CACNA1H: variants seen among roughly 807,000 people sequenced by gnomAD.
The protein encoded by CACNA1H is calcium voltage-gated channel subunit alpha1 H, also known as voltage-dependent T-type calcium channel subunit alpha-1H.
In CACNA1H, 149 loss-of-function variants were observed where a neutral mutation model predicts 192.5. The observed-to-expected ratio is 0.77, with a 90% confidence interval of 0.68 to 0.89. The LOEUF is 0.89. Among genes scored for constraint, CACNA1H ranks in the 40% least tolerant of loss-of-function variants. The probability of loss-of-function intolerance (pLI) is 0.00; values close to 1 mark genes in which losing one functional copy is unlikely to be tolerated. For missense variants in CACNA1H, 4,257 were observed against 3,423.5 expected (o/e 1.24, Z -6.08); for synonymous variants, 2,202 against 1,475.2 (o/e 1.49, Z -11.29).
At chr16:1,217,540 G>A (rs752007897) in intron 31 of CACNA1H, among the ~76,000 whole-genome samples, 1 of 152,204 alleles carries the variant, frequency 6.6e-6, no homozygotes, top group Non-Finnish European at 1.5e-5. Flanking sequence ...CCTCCCCCGG[G>A]CCCTGTCCCG....
chr16:1,203,791 C>T (rs749812948), intron 9 of CACNA1H, among the ~76,000 whole-genome samples: 1 of 152,224 alleles, frequency 6.6e-6, no homozygotes, highest in South Asian at 2.1e-4. Context: ...GCTCAGGGCC[C>T]TCCCTACTCC....
At position 1,220,320 on chromosome 16, in the gene CACNA1H, C is replaced by T. The variant is rs771195242; in HGVS notation, c.6388C>T (p.Arg2130Trp). Residue 2130 changes from arginine to tryptophan, a missense_variant, in exon 35 of 35, where the codon CGG (arginine) becomes TGG (tryptophan). Physicochemically the swap from Arg to Trp is moderately radical, Grantham distance 101. Coordinates refer to ENST00000348261, the MANE Select transcript of CACNA1H (RefSeq NM_021098.3). ...AGCCTCTCCGGTGGCCGGCGGCGAG[C>T]GGGACCTGCGCAGGCTCTACAGCGT... ...PEASPVAGGE[R>W]DLRRLYSVDA... 29 of 1,556,884 alleles carry T rather than the reference C, an allele frequency of 1.9e-5. No individual in the cohort carries two copies. Among genetic ancestry groups the T allele is most frequent in the Middle Eastern group, 1.7e-4 (1 of 5,886 alleles).
Position 1,216,856 on chromosome 16 carries a change from C to A in CACNA1H, c.5245-76C>A, listed in dbSNP as rs368058035. On this transcript the variant is annotated intron_variant, in intron 30 of 34. Coordinates refer to ENST00000348261, the MANE Select transcript of CACNA1H (RefSeq NM_021098.3). ...GGCAGGTGGGGTCTGGTGGCCGAGGCGCCGAGTGCCCTGCAGGGTGGGCTG... is the reference window on the plus strand; with the variant it reads ...GGCAGGTGGGGTCTGGTGGCCGAGGAGCCGAGTGCCCTGCAGGGTGGGCTG... The A allele has an allele frequency of 7.5e-5, 90 of 1,202,540 alleles. No homozygotes were observed. In the African/African-American group the frequency reaches 1.1e-3, roughly 15 times the overall value. 74.5% of individuals were successfully genotyped at this position (1,202,540 alleles called of 1,614,324 possible).
Position 1,204,443 on chromosome 16 carries a change from G to A in CACNA1H, c.2436G>A (p.Val812=), listed in dbSNP as rs753010565. Reference sequence around the variant, plus strand: ...TTGTCAACACGCTGAGCATGGGCGTGGAGTACCATGAGCAGGTGCGGGCTG... The same window carrying A: ...TTGTCAACACGCTGAGCATGGGCGTAGAGTACCATGAGCAGGTGCGGGCTG... The part of the protein sequence containing the change: ...AILVNTLSMG[V]EYHEQPEELT... Residue 812 remains valine, a synonymous_variant, in exon 10 of 35, where the codon GTG becomes GTA. Coordinates refer to ENST00000348261, the MANE Select transcript of CACNA1H (RefSeq NM_021098.3). 33 of 1,539,070 alleles carry A rather than the reference G, an allele frequency of 2.1e-5. No homozygotes were observed. Among genetic ancestry groups the A allele is most frequent in the Non-Finnish European group, 2.9e-5 (33 of 1,143,724 alleles).
intron 5 of CACNA1H, among the ~76,000 whole-genome samples, chr16:1,198,297 G>A (rs1967239759): frequency 6.6e-6 from 1 of 152,102 alleles, no homozygotes; most frequent in East Asian, 1.9e-4. Context: ...CTCCACTCCT[G>A]CCCCTCCACA....
chr16:1,209,445 C>A (rs754205552), intron 17 of CACNA1H, 33 bp downstream of exon 17: 2 of 1,588,532 alleles, frequency 1.3e-6, no homozygotes, highest in Non-Finnish European at 1.7e-6. Flanking sequence ...ACCGCCGACT[C>A]GCCTTCGTCT....
At chr16:1,171,459 G>A (rs1964359716) in intron 2 of CACNA1H, among the ~76,000 whole-genome samples, 1 of 152,224 alleles carries the variant, frequency 6.6e-6, no homozygotes, top group African/African-American at 2.4e-5. Flanking sequence ...CACAGAGTCT[G>A]CAGAGCCTGG....
At chr16:1,171,597 G>A (rs1021900505) in intron 2 of CACNA1H, among the ~76,000 whole-genome samples, 26 of 152,220 alleles carry the variant, frequency 1.7e-4, no homozygotes, top group African/African-American at 6.0e-4. Flanking sequence ...CGCCTCAGGC[G>A]GCTTTTGTCC....
At chr16:1,153,632 C>G in intron 1 of CACNA1H, 88 bp from the exon 2 acceptor site, 14 of 814,290 alleles carry the variant, frequency 1.7e-5, no homozygotes, top group Non-Finnish European at 2.1e-5. Flanking sequence ...GACATCCCGG[C>G]GGCCGCGGCT....
Position 1,210,894 on chromosome 16 carries a change from C to T in CACNA1H, c.4146C>T (p.Ala1382=), listed in dbSNP as rs768917213. ...TGTCCCTGGTGGACATTGTCGTGGC[C>T]ATGGCCTCGGCTGGTGGCGCCAAGA... The part of the protein sequence containing the change: ...VLVSLVDIVV[A]MASAGGAKIL... The change falls in exon 21 of 35, where the codon GCC becomes GCT. Residue 1382 remains alanine, a synonymous_variant. Transcript: ENST00000348261. The T allele has an allele frequency of 3.7e-6, 6 of 1,605,022 alleles. No homozygotes were observed. Among genetic ancestry groups the T allele is most frequent in the South Asian group, 1.1e-5 (1 of 91,064 alleles).
Position 1,201,945 on chromosome 16 carries a change from G to A in CACNA1H, c.1495G>A (p.Gly499Ser), listed in dbSNP as rs560915333. The change falls in exon 9 of 35, where the codon GGT (glycine) becomes AGT (serine). Residue 499 changes from glycine to serine, a missense_variant. Coordinates refer to ENST00000348261, the MANE Select transcript of CACNA1H (RefSeq NM_021098.3). ...GGACCCCAGTGCTGTGCAAGGCCAG[G>A]GTCCCGGGCACCGCCAGCGCCGGGC... is the stretch of plus-strand genomic sequence containing the variant. ...KVDPSAVQGQ[G>S]PGHRQRRAGR... 5.5e-4 allele frequency: 851 copies of A among 1,547,450 alleles called. 8 individuals carry two copies. In the South Asian group the frequency reaches 9.0e-3, roughly 16 times the overall value.
intron 26 of CACNA1H, 123 bp downstream of exon 26, chr16:1,212,651 C>T (rs1295981156): frequency 9.1e-6 from 11 of 1,211,214 alleles, no homozygotes; most frequent in East Asian, 2.6e-5. Context: ...AGGTGCTGGG[C>T]GTGTGGCGTG....
chr16:1,216,761 A>T (rs1327195816), intron 30 of CACNA1H, among the ~76,000 whole-genome samples, 171 bp from the exon 31 acceptor site: 2 of 151,446 alleles, frequency 1.3e-5, no homozygotes, highest in Admixed American at 6.6e-5. Flanking sequence ...GGGCTGAGGA[A>T]CAGGGGTCCC....
chr16:1,153,545 G>T (rs1410859176), intron 1 of CACNA1H, 75 bp downstream of exon 1: 24 of 324,680 alleles, frequency 7.4e-5, no homozygotes, highest in Non-Finnish European at 1.6e-5. Flanking sequence ...CCCTCGGGGT[G>T]GGGGTGGGGC....
Position 1,221,632 on chromosome 16 carries a change from C to T in CACNA1H, c.*638C>T, listed in dbSNP as rs749918173. 1.6e-4 allele frequency: 140 copies of T among 849,232 alleles called. 1 individual carries two copies. In the East Asian group the frequency reaches 2.9e-3, roughly 18 times the overall value. 52.6% of individuals were successfully genotyped at this position (849,232 alleles called of 1,614,324 possible). Reference sequence around the variant, plus strand: ...CCCCTACATCTGGGGGCGTTGGCCGCGAGATTCCCATTGACACCTTTGTTT... The same window carrying T: ...CCCCTACATCTGGGGGCGTTGGCCGTGAGATTCCCATTGACACCTTTGTTT... On this transcript the variant is annotated 3_prime_UTR_variant, in exon 35 of 35. Transcript: ENST00000348261.
intron 8 of CACNA1H, 125 bp downstream of exon 8, chr16:1,200,933 A>G (rs1596404698): frequency 1.7e-4 from 56 of 334,192 alleles, no homozygotes; most frequent in South Asian, 5.3e-4. Context: ...CACACAGGGG[A>G]GGGAGGCAGA....
At chr16:1,191,288 C>T (rs1218188933) in intron 2 of CACNA1H, among the ~76,000 whole-genome samples, 4 of 105,536 alleles carry the variant, frequency 3.8e-5, no homozygotes, top group Non-Finnish European at 5.5e-5. Flanking sequence ...CAGGCACACT[C>T]GGGGTCTCTC....
intron 8 of CACNA1H, 37 bp from the exon 9 acceptor site, chr16:1,201,626 T>C: frequency 6.6e-7 from 1 of 1,523,470 alleles, no homozygotes. Flanking sequence ...AGAGACTCGC[T>C]CACTCACTGC....
intron 2 of CACNA1H, among the ~76,000 whole-genome samples, chr16:1,181,558 G>A (rs959411490): frequency 3.3e-5 from 5 of 152,262 alleles, no homozygotes; most frequent in Middle Eastern, 3.2e-3. Context: ...GGAGGGCTGG[G>A]ATCAGGCACT....
Sources: allele counts gnomAD v4.1 joint callset (sites outside exome capture counted in the v4.1 genomes callset), GRCh38; gene constraint gnomAD v4.1.1; transcripts MANE v1.5; gene names NCBI Gene and HGNC (gene_info 2026-07-23, HGNC 2026-07-21).